Variants in WRAP73 observed in about 807,000 individuals in gnomAD.
WRAP73 encodes WD repeat-containing protein WRAP73.
Under a neutral mutation model 59.6 loss-of-function variants are expected in WRAP73, and 55 were observed. That is an observed-to-expected ratio of 0.92 (90% CI 0.74 to 1.15). The LOEUF (loss-of-function observed/expected upper bound fraction) is 1.15, where lower values mean the gene tolerates loss of function less well. Ranked by LOEUF, WRAP73 falls within the 50% of genes most tolerant of loss-of-function variation. The probability of loss-of-function intolerance (pLI) is 0.00; values close to 1 mark genes in which losing one functional copy is unlikely to be tolerated. For synonymous variants in WRAP73, 265 were observed against 258.2 expected, an observed-to-expected ratio of 1.03 and a Z score of -0.25; for missense variants, 592 against 608.1, an observed-to-expected ratio of 0.97 and a Z score of 0.28.
At chr1:3,636,079 A>T in intron 5 of WRAP73, 49 bp from the exon 6 acceptor site, 1 of 1,412,034 alleles carries the variant, frequency 7.1e-7, no homozygotes, top group Non-Finnish European at 1.0e-6. Flanking sequence ...TATTTTCGTA[A>T]ATAAATAATT....
At chr1:3,643,194 A>C (rs1644663032) in intron 3 of WRAP73, among the ~76,000 whole-genome samples, 1 of 152,218 alleles carries the variant, frequency 6.6e-6, no homozygotes, top group African/African-American at 2.4e-5. Context: ...AGTGACGGGG[A>C]ACAGCAACAG....
Position 3,632,011 on chromosome 1 carries a change from T to A in WRAP73, c.1048+202A>T, listed in dbSNP as rs529288944. ...GTGAGCAGGGTGGAGGCCTCCTGAC[T>A]CATGCGCGGACCTGCGGCTGCTGCA... On this transcript the variant is annotated intron_variant, in intron 10 of 11. Coordinates refer to ENST00000270708, the MANE Select transcript of WRAP73 (RefSeq NM_017818.4). 4.1e-6 allele frequency: 6 copies of A among 1,453,628 alleles called. No homozygotes were observed. The East Asian group carries it at 1.5e-4, about 36-fold the overall frequency. The allele number at this position is 1,453,628 out of a possible 1,614,324, so 90.0% of individuals were successfully genotyped here.
At chr1:3,649,870 G>A in intron 1 of WRAP73, 61 bp downstream of exon 1, 1 of 1,531,814 alleles carries the variant, frequency 6.5e-7, no homozygotes, top group Admixed American at 2.1e-5. Flanking sequence ...CCCCGGCCCT[G>A]CCCGCCGGGG....
intron 3 of WRAP73, among the ~76,000 whole-genome samples, chr1:3,640,312 A>G (rs974525550): frequency 2.6e-5 from 4 of 152,214 alleles, no homozygotes; most frequent in African/African-American, 9.7e-5. Flanking sequence ...GCTACTTCCC[A>G]CCAGCGTGTC....
intron 8 of WRAP73, 99 bp from the exon 9 acceptor site, chr1:3,633,602 T>C: frequency 1.1e-6 from 1 of 915,110 alleles, no homozygotes; most frequent in Non-Finnish European, 1.6e-6. Context: ...TCAACAGGTG[T>C]GCCTGCCATG....
intron 5 of WRAP73, chr1:3,636,517 G>T (rs1471222681): frequency 9.0e-6 from 3 of 331,644 alleles, no homozygotes; most frequent in East Asian, 8.4e-5. Flanking sequence ...CCAGAGCACT[G>T]CCTGGATCCC....
chr1:3,642,597 C>A (rs181918068), intron 3 of WRAP73, among the ~76,000 whole-genome samples: 1 of 152,020 alleles, frequency 6.6e-6, no homozygotes, highest in African/African-American at 2.4e-5. Flanking sequence ...ATTAGCCAGG[C>A]GTGGTGGCGC....
In WRAP73 at chr1:3,646,659, C is replaced by T; in HGVS notation, c.339+7G>A. The T allele has an allele frequency of 6.3e-7, 1 of 1,590,676 alleles. No individual in the cohort carries two copies. The highest frequency in any genetic ancestry group is 8.6e-7 in the Non-Finnish European group (1 of 1,163,506). On this transcript the variant is annotated splice_region_variant and intron_variant, in intron 3 of 11. Coordinates refer to ENST00000270708, the MANE Select transcript of WRAP73 (RefSeq NM_017818.4). The surrounding 1 kb of genome is among the most constrained non-coding windows in gnomAD (Gnocchi z 5.1). ...GGCCAGTAAGGTGTCTTGGGGCTGA[C>T]ACTTACATGGAATTCCGTGGTGTTG...
chr1:3,643,425 G>A (rs1386347739), intron 3 of WRAP73, among the ~76,000 whole-genome samples: 2 of 152,234 alleles, frequency 1.3e-5, no homozygotes. Flanking sequence ...GGGGTGAGCC[G>A]CTTTTGATGA....
intron 5 of WRAP73, chr1:3,636,548 A>C (rs1570298265): frequency 2.9e-6 from 1 of 339,422 alleles, no homozygotes; most frequent in East Asian, 8.1e-5. Context: ...CTCTGACAGC[A>C]TTCCAGAGGT....
In WRAP73 at chr1:3,633,389, G is replaced by T; in HGVS notation, c.922+9C>A. ...AAGGAAAACAAATGACATCACATGT[G>T]CTACTTACATTTACTCTCTGAGCTC... is the stretch of plus-strand genomic sequence containing the variant. On this transcript the variant is annotated intron_variant, in intron 9 of 11. Coordinates refer to ENST00000270708, the MANE Select transcript of WRAP73 (RefSeq NM_017818.4). The T allele has an allele frequency of 6.2e-7, 1 of 1,608,362 alleles. No homozygotes were observed. Among genetic ancestry groups the T allele is most frequent in the Non-Finnish European group, 8.5e-7 (1 of 1,175,786 alleles).
chr1:3,635,354 A>T (rs921825763), intron 6 of WRAP73, 60 bp from the exon 7 acceptor site: 3 of 1,601,168 alleles, frequency 1.9e-6, no homozygotes, highest in African/African-American at 2.7e-5. Flanking sequence ...AACACACCAC[A>T]GACGCGGGTG....
intron 3 of WRAP73, among the ~76,000 whole-genome samples, chr1:3,640,299 C>T (rs1163880189): frequency 6.6e-6 from 1 of 152,276 alleles, no homozygotes; most frequent in Non-Finnish European, 1.5e-5. Context: ...AGCGAGGAAG[C>T]GTGCTACTTC....
Position 3,639,129 on chromosome 1 carries a change from A to G in WRAP73, c.340-307T>C, listed in dbSNP as rs1644614890. The stretch of plus-strand genomic sequence containing the variant: ...GTGACCATAGGTTGCATGTTATAAT[A>G]ACCCTGAGTTACTCAGAGAAAAATC... On this transcript the variant is annotated intron_variant, in intron 3 of 11. Coordinates refer to ENST00000270708, the MANE Select transcript of WRAP73 (RefSeq NM_017818.4). This position sits in a 1 kb window ranked among gnomAD's most constrained non-coding sequence, Gnocchi z 4.3. The G allele has an allele frequency of 6.0e-6, 2 of 335,636 alleles. No homozygotes were observed. Among genetic ancestry groups the G allele is most frequent in the Non-Finnish European group, 1.1e-5 (2 of 182,624 alleles). The allele number at this position is 335,636 out of a possible 1,614,324, so 20.8% of individuals were successfully genotyped here. A position where few individuals can be genotyped will look rare whatever the true frequency, so the allele number is the denominator to read the frequency against.
Position 3,630,952 on chromosome 1 carries a change from C to T in WRAP73, c.*23G>A. On this transcript the variant is annotated 3_prime_UTR_variant, in exon 12 of 12. Coordinates refer to ENST00000270708, the MANE Select transcript of WRAP73 (RefSeq NM_017818.4). Reference sequence around the variant, plus strand: ...CTGGAAACACAGAGTAGCCCTGTTTCTGCACACGTTAGTGCACCGCTGCTA... The same window carrying T: ...CTGGAAACACAGAGTAGCCCTGTTTTTGCACACGTTAGTGCACCGCTGCTA... 6.2e-7 allele frequency: 1 copy of T among 1,605,564 alleles called. No individual in the cohort carries two copies. Among genetic ancestry groups the T allele is most frequent in the Non-Finnish European group, 8.5e-7 (1 of 1,174,920 alleles).
At chr1:3,642,066 T>C (rs1644651455) in intron 3 of WRAP73, among the ~76,000 whole-genome samples, 1 of 152,196 alleles carries the variant, frequency 6.6e-6, no homozygotes, top group South Asian at 2.1e-4. Flanking sequence ...TGTATGCAGC[T>C]AACAACAAAG....
Position 3,646,705 on chromosome 1 carries a change from G to A in WRAP73, c.300C>T (p.Ser100=). 1 of 1,607,454 alleles carries A rather than the reference G, an allele frequency of 6.2e-7. No homozygotes were observed. The highest frequency in any genetic ancestry group is 1.7e-5 in the Admixed American group (1 of 59,376). Residue 100 remains serine, a synonymous_variant, in exon 3 of 12, where the codon AGC becomes AGT. Transcript: ENST00000270708. The surrounding 1 kb of genome is among the most constrained non-coding windows in gnomAD (Gnocchi z 5.1). ...TGTTGAGAATGTGGCGCCCGTCCGG[G>A]CTCCAGCACGAGGCCACCAGCCCGG... The part of the protein sequence containing the change: ...GSAGLVASCW[S]PDGRHILNTT...
chr1:3,633,486 G>C lies in WRAP73; in HGVS notation c.834C>G (p.Ala278=), dbSNP rs759565731. 1 of 1,607,290 alleles carries C rather than the reference G, an allele frequency of 6.2e-7. No individual in the cohort carries two copies. Among genetic ancestry groups the C allele is most frequent in the South Asian group, 1.1e-5 (1 of 90,310 alleles). Reference sequence around the variant, plus strand: ...CCAGTCCCAGCTGTGGGCTCTTCTCGGCCTCCTTATACACCACCTGAAAGA... The same window carrying C: ...CCAGTCCCAGCTGTGGGCTCTTCTCCGCCTCCTTATACACCACCTGAAAGA... ...NDPKIVVYKE[A]EKSPQLGLGC... Residue 278 remains alanine, a synonymous_variant, in exon 9 of 12, where the codon GCC becomes GCG. Coordinates refer to ENST00000270708, the MANE Select transcript of WRAP73 (RefSeq NM_017818.4).
intron 9 of WRAP73, 118 bp downstream of exon 9, chr1:3,633,280 G>A: frequency 1.1e-6 from 1 of 936,806 alleles, no homozygotes; most frequent in Non-Finnish European, 1.7e-6. Flanking sequence ...CTGGCTGGAA[G>A]CATGGAAGGG....
Sources: gnomAD v4.1 joint callset for allele counts (sites outside exome capture counted in the v4.1 genomes callset) on GRCh38, gnomAD v4.1.1 for gene constraint, Gnocchi (gnomAD v3.1) non-coding constraint, MANE v1.5 for transcripts, NCBI Gene and HGNC (gene_info 2026-07-23, HGNC 2026-07-21) for gene names.